The following IL19 variants were observed in gnomAD, a reference collection of about 807,000 sequenced individuals.
The protein encoded by IL19 is interleukin 19, also known as interleukin-19.
IL19 carries 15 observed loss-of-function variants against 19.5 expected under a neutral mutation model. The ratio of observed to expected loss-of-function variants is 0.77; its 90% CI spans 0.52 to 1.19. The LOEUF (loss-of-function observed/expected upper bound fraction) is 1.19, where lower values mean the gene tolerates loss of function less well. Ranked by LOEUF, IL19 falls within the 50% of genes most tolerant of loss-of-function variation. The probability of loss-of-function intolerance (pLI) is 0.00; values close to 1 mark genes in which losing one functional copy is unlikely to be tolerated. For synonymous variants in IL19, 78 were observed against 78.3 expected, an observed-to-expected ratio of 1.00 and a Z score of 0.02; for missense variants, 199 against 213.1, an observed-to-expected ratio of 0.93 and a Z score of 0.41.
chr1:206,802,081 TG>T (rs1227679052), intron 2 of IL19, among the ~76,000 whole-genome samples: 6 of 152,234 alleles, frequency 3.9e-5, no homozygotes, highest in Non-Finnish European at 7.3e-5. Context: ...AGCATGGTCC[TG>T]GGCTCCTTGT....
chr1:206,831,583 G>T (rs1003087163), intron 2 of IL19, among the ~76,000 whole-genome samples: 1 of 152,162 alleles, frequency 6.6e-6, no homozygotes, highest in Non-Finnish European at 1.5e-5. Context: ...TTATAAAATT[G>T]ATAATAAATG....
intron 2 of IL19, among the ~76,000 whole-genome samples, chr1:206,803,343 T>G (rs1675764757): frequency 6.6e-6 from 1 of 152,138 alleles, no homozygotes; most frequent in African/African-American, 2.4e-5. Flanking sequence ...TCCCCATCTT[T>G]CGGAATTAGT....
intron 2 of IL19, among the ~76,000 whole-genome samples, chr1:206,811,201 A>C (rs955065050): frequency 1.3e-5 from 2 of 152,168 alleles, no homozygotes; most frequent in Non-Finnish European, 2.9e-5. Flanking sequence ...ATCATGGTGC[A>C]TCTAGGAATG....
rs1676810961 is a variant in IL19 at position 206,836,809 on chromosome 1, G to A, written c.144+3G>A. 6.2e-7 allele frequency: 1 copy of A among 1,614,018 alleles called. No individual in the cohort carries two copies. Among genetic ancestry groups the A allele is most frequent in the Non-Finnish European group, 8.5e-7 (1 of 1,180,030 alleles). On this transcript the variant is annotated splice_donor_region_variant and intron_variant, in intron 3 of 6. Coordinates refer to ENST00000659997, the MANE Select transcript of IL19 (RefSeq NM_153758.5). Reference sequence around the variant, plus strand: ...TCCAAGAAATCAAAAGAGCCATCGTGAGTATGGGTTGGTGTAAAGGTGTGG... The same window carrying A: ...TCCAAGAAATCAAAAGAGCCATCGTAAGTATGGGTTGGTGTAAAGGTGTGG...
intron 6 of IL19, among the ~76,000 whole-genome samples, chr1:206,842,114 GACA>G (rs1324223047): frequency 2.0e-5 from 3 of 152,174 alleles, no homozygotes; most frequent in South Asian, 4.1e-4. Flanking sequence ...GTCAAATGAG[GACA>G]ACATGCTCTC....
At position 206,837,142 on chromosome 1, in the gene IL19, T is replaced by G. The variant is rs548048989; in HGVS notation, c.210+119T>G. On this transcript the variant is annotated intron_variant, in intron 4 of 6. Transcript: ENST00000659997. ...TTCCTAATCTCCAATGTACTCTAAATGCACCAGGCTTCTTTGTCAGATGAT... is the reference window on the plus strand; with the variant it reads ...TTCCTAATCTCCAATGTACTCTAAAGGCACCAGGCTTCTTTGTCAGATGAT... 55 of 772,960 alleles carry G rather than the reference T, an allele frequency of 7.1e-5. 3 individuals carry two copies. In the African/African-American group the frequency reaches 8.0e-4, roughly 11 times the overall value. The allele number at this position is 772,960 out of a possible 1,614,324, so 47.9% of individuals were successfully genotyped here. A position where few individuals can be genotyped will look rare whatever the true frequency, so the allele number is the denominator to read the frequency against.
chr1:206,819,580 T>TG (rs537824286), intron 2 of IL19, among the ~76,000 whole-genome samples: 3 of 145,278 alleles, frequency 2.1e-5, no homozygotes, highest in Admixed American at 1.4e-4. Context: ...AGACTCCGTC[T>TG]AAAAAAAAAA....
intron 2 of IL19, among the ~76,000 whole-genome samples, chr1:206,802,601 A>G (rs556823738): frequency 3.3e-4 from 50 of 152,150 alleles, no homozygotes; most frequent in Non-Finnish European, 6.9e-4. Context: ...AAAGAGCTTC[A>G]TGGGTAAATC....
intron 2 of IL19, among the ~76,000 whole-genome samples, chr1:206,814,916 G>A (rs1676113857): frequency 6.6e-6 from 1 of 152,194 alleles, no homozygotes; most frequent in Non-Finnish European, 1.5e-5. Context: ...ACTTGAGACA[G>A]TTCTGTGTCA....
At chr1:206,838,113 T>A (rs2243173) in intron 4 of IL19, among the ~76,000 whole-genome samples, 6,765 of 152,284 alleles carry the variant, frequency 0.044, 226 homozygotes, top group Non-Finnish European at 0.062. Context: ...AGAAAGACAA[T>A]CTGGTGCTGT....
chr1:206,779,855 TC>T (rs1171230144), intron 1 of IL19, among the ~76,000 whole-genome samples: 37 of 142,194 alleles, frequency 2.6e-4, no homozygotes, highest in African/African-American at 8.9e-4. Flanking sequence ...TCTCTCTCTC[TC>T]TTTTTTTTTT....
chr1:206,781,414 C>CAAAAAA (rs57060549), intron 1 of IL19, among the ~76,000 whole-genome samples: 10 of 43,012 alleles, frequency 2.3e-4, no homozygotes, highest in Admixed American at 1.6e-3. Flanking sequence ...GACTCTGTCT[C>CAAAAAA]AAAAAAAAAA....
chr1:206,823,684 C>G (rs1676354010), intron 2 of IL19, among the ~76,000 whole-genome samples: 1 of 151,708 alleles, frequency 6.6e-6, no homozygotes, highest in African/African-American at 2.4e-5. Flanking sequence ...TTTTCCATAC[C>G]AAAGCAAGGA....
intron 2 of IL19, among the ~76,000 whole-genome samples, chr1:206,810,526 G>T (rs189554799): frequency 2.0e-5 from 3 of 152,324 alleles, no homozygotes; most frequent in Non-Finnish European, 4.4e-5. Flanking sequence ...CATTGACGAA[G>T]GTAGCACTTG....
In IL19 at chr1:206,798,910, G is replaced by A. The variant is rs759229160; in HGVS notation, c.-99G>A. 31 of 1,612,870 alleles carry A rather than the reference G, an allele frequency of 1.9e-5. No individual in the cohort carries two copies. The highest frequency in any genetic ancestry group is 2.5e-5 in the Non-Finnish European group (30 of 1,179,674). On this transcript the variant is annotated 5_prime_UTR_variant, in exon 2 of 7. Coordinates refer to ENST00000659997, the MANE Select transcript of IL19 (RefSeq NM_153758.5). ...GAGTCCAAGAATGTGCACTGAGGGA[G>A]CGTTTCCGCACAGATCTGCGTGTTC...
chr1:206,807,609 C>G (rs1158867536), intron 2 of IL19, among the ~76,000 whole-genome samples: 1 of 152,094 alleles, frequency 6.6e-6, no homozygotes, highest in African/African-American at 2.4e-5. Context: ...AATAAGTTTC[C>G]TTTGTTTTTT....
chr1:206,774,659 A>G (rs1674946792), intron 1 of IL19, among the ~76,000 whole-genome samples: 1 of 152,154 alleles, frequency 6.6e-6, no homozygotes. Flanking sequence ...GTTATCATTC[A>G]TGTACACACC....
intron 2 of IL19, 99 bp downstream of exon 2, chr1:206,799,105 A>G (rs2102459594): frequency 1.2e-6 from 1 of 808,524 alleles, no homozygotes; most frequent in South Asian, 1.5e-5. Flanking sequence ...GGGTTTTCAG[A>G]CACCTATGAA....
intron 1 of IL19, among the ~76,000 whole-genome samples, chr1:206,784,799 G>A (rs532061943): frequency 2.0e-5 from 3 of 152,362 alleles, no homozygotes; most frequent in South Asian, 2.1e-4. Context: ...AGAACTTTGC[G>A]TTCTCAAGCA....
Sources: allele counts gnomAD v4.1 joint callset (sites outside exome capture counted in the v4.1 genomes callset), GRCh38; gene constraint gnomAD v4.1.1; transcripts MANE v1.5; gene names NCBI Gene and HGNC (gene_info 2026-07-23, HGNC 2026-07-21).